The following SF3B3 variants were observed in gnomAD, a reference collection of about 807,000 sequenced individuals.
SF3B3 encodes SAP 130.
A neutral mutation model predicts 139.2 loss-of-function variants in SF3B3; 33 were observed. That is an observed-to-expected ratio of 0.24 (90% CI 0.18 to 0.32). The LOEUF (loss-of-function observed/expected upper bound fraction) is 0.32. SF3B3 is among the 10% of genes least tolerant of loss of function. The pLI, the probability that SF3B3 is intolerant of heterozygous loss-of-function variation, is 1.00. For synonymous variants in SF3B3, 596 were observed against 563.6 expected (o/e 1.06, Z -0.81); for missense variants, 818 against 1,509.4 (o/e 0.54, Z 7.59).
intron 20 of SF3B3, 63 bp from the exon 21 acceptor site, chr16:70,567,348 A>C: frequency 6.5e-7 from 1 of 1,538,122 alleles, no homozygotes; most frequent in South Asian, 1.2e-5. Context: ...TTCTGGGCAG[A>C]GAGGTGAGGC....
chr16:70,524,004 T>G (rs1162535422), intron 1 of SF3B3, 76 bp downstream of exon 1: 4 of 418,606 alleles, frequency 9.6e-6, no homozygotes, highest in Non-Finnish European at 1.7e-5. Context: ...ACCCGAGACT[T>G]TGGCGGGGGT....
intron 10 of SF3B3, among the ~76,000 whole-genome samples, chr16:70,547,171 A>G (rs1212150636): frequency 1.3e-5 from 2 of 152,192 alleles, no homozygotes; most frequent in African/African-American, 2.4e-5. Flanking sequence ...ACTATAGCAT[A>G]GTTGACAGTT....
intron 20 of SF3B3, chr16:70,565,842 C>T (rs1476009317): frequency 1.7e-5 from 4 of 235,632 alleles, no homozygotes; most frequent in South Asian, 1.2e-4. Context: ...TCTGGCTGGG[C>T]GCAGTGGCTC....
chr16:70,553,041 G>A (rs1386605268), intron 11 of SF3B3, among the ~76,000 whole-genome samples: 1 of 151,990 alleles, frequency 6.6e-6, no homozygotes, highest in Non-Finnish European at 1.5e-5. Context: ...CGAGTAGTTG[G>A]AATTACAGGC....
rs1031261040 is a variant in SF3B3, at chr16:70,573,274, T to C, written c.*1461T>C. On this transcript the variant is annotated 3_prime_UTR_variant, in exon 26 of 26. Transcript: ENST00000302516. ...TGAATTAGATTTTGAAAACCTAATT[T>C]CAGGGCTCATTTTTTCCTGTGGCCC... 1 of 152,238 alleles carries C rather than the reference T, an allele frequency of 6.6e-6. No individual in the cohort carries two copies. The highest frequency in any genetic ancestry group is 1.5e-5 in the Non-Finnish European group (1 of 68,038). The allele number at this position is 152,238 out of a possible 1,614,324, so 9.4% of individuals were successfully genotyped here.
chr16:70,576,329 A>C lies in SF3B3; in HGVS notation c.*4516A>C, dbSNP rs2050580254. On this transcript the variant is annotated 3_prime_UTR_variant, in exon 26 of 26. Transcript: ENST00000302516. ...ACCCCACCCCACCCCCGTATGCAGC[A>C]TCTCTGGCGGTGCCCAGAGGCAAGC... is the stretch of plus-strand genomic sequence containing the variant. The C allele has an allele frequency of 8.6e-6, 1 of 116,094 alleles. No individual in the cohort carries two copies. The allele number at this position is 116,094 out of a possible 1,614,324, so 7.2% of individuals were successfully genotyped here.
At position 70,567,629 on chromosome 16, in the gene SF3B3, C is replaced by T. The variant is rs1398483377; in HGVS notation, c.2952+93C>T. On this transcript the variant is annotated intron_variant, in intron 21 of 25. Coordinates refer to ENST00000302516, the MANE Select transcript of SF3B3 (RefSeq NM_012426.5). Reference sequence around the variant, plus strand: ...TGGGCATTGAGTTTTAAAATCTTATCTTTATTAGGACTTGTTGTGTTACCC... The same window carrying T: ...TGGGCATTGAGTTTTAAAATCTTATTTTTATTAGGACTTGTTGTGTTACCC... 7.1e-6 allele frequency: 10 copies of T among 1,410,868 alleles called. No individual in the cohort carries two copies. In the Admixed American group the frequency reaches 2.1e-4, roughly 30 times the overall value. 87.4% of individuals were successfully genotyped at this position (1,410,868 alleles called of 1,614,324 possible).
chr16:70,562,682 T>C (rs1030050263), intron 17 of SF3B3, among the ~76,000 whole-genome samples: 2 of 152,208 alleles, frequency 1.3e-5, no homozygotes, highest in African/African-American at 4.8e-5. Flanking sequence ...CCTGAATTGC[T>C]ATAGATTTAG....
At position 70,544,996 on chromosome 16, in the gene SF3B3, A is replaced by G. The variant is rs186307253; in HGVS notation, c.1329+463A>G. ...GTTAAATCAACTATATCAATGCTAT[A>G]TATATTTTTGTATCTTATTAAATTT... is the stretch of plus-strand genomic sequence containing the variant. On this transcript the variant is annotated intron_variant, in intron 10 of 25. Transcript: ENST00000302516. Among the ~76,000 whole-genome samples the G allele has an allele frequency of 2.0e-4, 30 of 152,300 alleles. No individual in the cohort carries two copies. The East Asian group carries it at 4.4e-3, about 23-fold the overall frequency.
chr16:70,549,794 G>A (rs2050305123), intron 11 of SF3B3, among the ~76,000 whole-genome samples: 1 of 152,020 alleles, frequency 6.6e-6, no homozygotes, highest in South Asian at 2.1e-4. Flanking sequence ...GCGTGGTGGT[G>A]CAGGCCTGTA....
chr16:70,546,608 G>A (rs1002112626), intron 10 of SF3B3, among the ~76,000 whole-genome samples: 1 of 151,992 alleles, frequency 6.6e-6, no homozygotes, highest in South Asian at 2.1e-4. Context: ...CCGAGATCAC[G>A]CCACTGTACT....
intron 4 of SF3B3, among the ~76,000 whole-genome samples, chr16:70,531,985 G>A (rs2050125714): frequency 6.6e-6 from 1 of 152,206 alleles, no homozygotes; most frequent in South Asian, 2.1e-4. Context: ...GGAATTCTAG[G>A]CTGCAGTGAG....
At position 70,554,712 on chromosome 16, in the gene SF3B3, G is replaced by C. The variant is rs942348724; in HGVS notation, c.1554+115G>C. The C allele has an allele frequency of 1.1e-5, 12 of 1,073,596 alleles. No individual in the cohort carries two copies. In the East Asian group the frequency reaches 3.0e-4, roughly 27 times the overall value. The allele number at this position is 1,073,596 out of a possible 1,614,324, so 66.5% of individuals were successfully genotyped here. ...CCCTCACCTTCCAGCAAGCCTTAGG[G>C]GTAGGGAACATATGATTTGGGCACA... On this transcript the variant is annotated intron_variant, in intron 12 of 25. Coordinates refer to ENST00000302516, the MANE Select transcript of SF3B3 (RefSeq NM_012426.5).
In SF3B3 at chr16:70,560,547, C is replaced by T; in HGVS notation, c.2089C>T (p.Arg697Cys). 5.0e-6 allele frequency: 8 copies of T among 1,613,832 alleles called. No individual in the cohort carries two copies. Among genetic ancestry groups the T allele is most frequent in the Non-Finnish European group, 6.8e-6 (8 of 1,179,812 alleles). ...SDTRTRYLGSRPVKLFRVRMQ... is the reference protein window; with the variant it reads ...SDTRTRYLGSCPVKLFRVRMQ... ...TACTCGCACTCGGTACCTGGGGTCC[C>T]GTCCTGTGAAGCTCTTCCGAGTCCG... is the stretch of plus-strand genomic sequence containing the variant. The change falls in exon 16 of 26, where the codon CGT becomes TGT. Residue 697 changes from arginine to cysteine, a missense_variant. Coordinates refer to ENST00000302516, the MANE Select transcript of SF3B3 (RefSeq NM_012426.5).
At chr16:70,564,730 G>T (rs1341203057) in intron 18 of SF3B3, among the ~76,000 whole-genome samples, 1 of 152,254 alleles carries the variant, frequency 6.6e-6, no homozygotes, top group Non-Finnish European at 1.5e-5. Context: ...AGTAGTTTTA[G>T]TAAGGGAAAT....
intron 13 of SF3B3, among the ~76,000 whole-genome samples, chr16:70,555,653 A>C (rs565111974): frequency 6.6e-6 from 1 of 152,276 alleles, no homozygotes; most frequent in Admixed American, 6.5e-5. Flanking sequence ...CTACTTTTCC[A>C]ACAAATATTT....
At chr16:70,566,775 G>A (rs2050481127) in intron 20 of SF3B3, among the ~76,000 whole-genome samples, 1 of 152,052 alleles carries the variant, frequency 6.6e-6, no homozygotes, top group South Asian at 2.1e-4. Context: ...TAGGCTGGGT[G>A]CAGTGGCTCA....
chr16:70,532,714 C>T (rs1391624340), intron 5 of SF3B3, 94 bp downstream of exon 5: 8 of 1,272,774 alleles, frequency 6.3e-6, no homozygotes, highest in Admixed American at 5.9e-5. Context: ...GGGAATTAAT[C>T]CATTTGTTGT....
chr16:70,559,080 C>T (rs965082665), intron 15 of SF3B3, among the ~76,000 whole-genome samples: 5 of 152,206 alleles, frequency 3.3e-5, no homozygotes, highest in African/African-American at 9.7e-5. Flanking sequence ...TTGTCCCACT[C>T]ACAGTGATGT....
Sources: allele counts gnomAD v4.1 joint callset (sites outside exome capture counted in the v4.1 genomes callset), GRCh38; gene constraint gnomAD v4.1.1; transcripts MANE v1.5; gene names NCBI Gene and HGNC (gene_info 2026-07-23, HGNC 2026-07-21).